The following ARHGEF11 variants were observed in gnomAD, a reference collection of about 807,000 sequenced individuals.
ARHGEF11 encodes the protein Rho guanine nucleotide exchange factor 11.
ARHGEF11 carries 55 observed loss-of-function variants against 193.7 expected under a neutral mutation model. The ratio of observed to expected loss-of-function variants is 0.28; its 90% CI spans 0.23 to 0.36. The LOEUF (loss-of-function observed/expected upper bound fraction) is 0.36, where lower values mean the gene tolerates loss of function less well. Ranked by LOEUF, ARHGEF11 falls within the 10% of genes least tolerant of loss-of-function variation. ARHGEF11 has a pLI of 1.00. For missense variants in ARHGEF11, 1,723 were observed against 2,005.6 expected (o/e 0.86, Z 2.69); for synonymous variants, 693 against 768.0 (o/e 0.90, Z 1.62).
chr1:157,021,555 T>C (rs1171833226), intron 1 of ARHGEF11, among the ~76,000 whole-genome samples: 1 of 152,204 alleles, frequency 6.6e-6, no homozygotes, highest in East Asian at 1.9e-4. Context: ...ACAGTAATGA[T>C]GGTGTTTCAT....
At chr1:157,008,463 G>A (rs1364484284) in intron 1 of ARHGEF11, among the ~76,000 whole-genome samples, 3 of 151,936 alleles carry the variant, frequency 2.0e-5, no homozygotes, top group African/African-American at 7.3e-5. Flanking sequence ...CGGTGAGAAG[G>A]CAGCCGTCTA....
At position 156,935,715 on chromosome 1, in the gene ARHGEF11, G is replaced by A; in HGVS notation, c.*285C>T. 1 of 442,250 alleles carries A rather than the reference G, an allele frequency of 2.3e-6. No homozygotes were observed. The highest frequency in any genetic ancestry group is 4.1e-6 in the Non-Finnish European group (1 of 245,940). The allele number at this position is 442,250 out of a possible 1,614,324, so 27.4% of individuals were successfully genotyped here. A position where few individuals can be genotyped will look rare whatever the true frequency, so the allele number is the denominator to read the frequency against. ...CGTGTACACACATATGTGGGGTGAG[G>A]GCAGACCATGGTGAGTGGGGGCCTT... On this transcript the variant is annotated 3_prime_UTR_variant, in exon 41 of 41. Coordinates refer to ENST00000368194, the MANE Select transcript of ARHGEF11 (RefSeq NM_198236.3).
At chr1:156,956,282 A>C in intron 19 of ARHGEF11, 138 bp downstream of exon 19, 1 of 872,280 alleles carries the variant, frequency 1.1e-6, no homozygotes, top group Non-Finnish European at 1.8e-6. Flanking sequence ...ATGCTGGACT[A>C]ATTTTTGTAT....
At chr1:156,939,301 C>A (rs915617805) in intron 37 of ARHGEF11, 62 of 555,436 alleles carry the variant, frequency 1.1e-4, no homozygotes, top group African/African-American at 9.4e-4. Context: ...AAACAAAGTT[C>A]AGAGATGATT....
At chr1:156,967,563 G>A (rs559403115) in intron 11 of ARHGEF11, among the ~76,000 whole-genome samples, 15 of 152,244 alleles carry the variant, frequency 9.9e-5, no homozygotes, top group African/African-American at 3.1e-4. Context: ...GGTCCTAGGG[G>A]AGCTGAGTTT....
At chr1:156,975,277 A>C (rs1663100729) in intron 7 of ARHGEF11, among the ~76,000 whole-genome samples, 1 of 152,200 alleles carries the variant, frequency 6.6e-6, no homozygotes, top group African/African-American at 2.4e-5. Flanking sequence ...GGTCATTGTC[A>C]TTTTGATTAG....
chr1:156,961,637 GAATATGATA>G (rs752985946), intron 14 of ARHGEF11, 31 bp downstream of exon 14: 2 of 1,579,560 alleles, frequency 1.3e-6, no homozygotes, highest in East Asian at 4.5e-5. Flanking sequence ...GTAGTTCAAA[GAATATGATA>G]AAATTATAAT....
chr1:156,936,114 AT>A (rs780275676), intron 40 of ARHGEF11, 56 bp from the exon 41 acceptor site: 28 of 1,555,350 alleles, frequency 1.8e-5, no homozygotes, highest in African/African-American at 1.8e-4. Flanking sequence ...CCGCTTCCAC[AT>A]GTTTTGTCTA....
Position 157,022,593 on chromosome 1 carries a change from T to C in ARHGEF11, c.32+21706A>G, listed in dbSNP as rs146512894. ...TTTAAAATTGTTAAGATGATACTAC[T>C]CCACAAAGTTATCTACAGATTTGAT... On this transcript the variant is annotated intron_variant, in intron 1 of 40. Transcript: ENST00000368194. 2.5e-3 allele frequency among the ~76,000 whole-genome samples: 386 copies of C among 152,334 alleles called. 1 individual carries two copies. Among genetic ancestry groups the C allele is most frequent in the African/African-American group, 8.6e-3 (359 of 41,580 alleles).
In ARHGEF11 at chr1:156,935,975, G is replaced by C; in HGVS notation, c.*25C>G. 6.2e-7 allele frequency: 1 copy of C among 1,604,310 alleles called. No homozygotes were observed. The stretch of plus-strand genomic sequence containing the variant: ...CAGTCCCTGAAGGAGGAGTGGGGAC[G>C]CAGAGGATTTGGTGGTTTGTACGGT... On this transcript the variant is annotated 3_prime_UTR_variant, in exon 41 of 41. Coordinates refer to ENST00000368194, the MANE Select transcript of ARHGEF11 (RefSeq NM_198236.3).
At chr1:157,040,370 C>T (rs563116713) in intron 1 of ARHGEF11, among the ~76,000 whole-genome samples, 27 of 152,190 alleles carry the variant, frequency 1.8e-4, no homozygotes, top group African/African-American at 5.5e-4. Flanking sequence ...AGCCAAGGTG[C>T]GAAGAGACCC....
At chr1:157,016,345 G>A (rs183332063) in intron 1 of ARHGEF11, among the ~76,000 whole-genome samples, 12 of 150,850 alleles carry the variant, frequency 8.0e-5, no homozygotes, top group African/African-American at 2.7e-4. Flanking sequence ...TCAGCCTCCC[G>A]AGTAGCTGGG....
At position 156,945,365 on chromosome 1, in the gene ARHGEF11, T is replaced by C. The variant is rs963735257; in HGVS notation, c.2813-168A>G. ...ACATGAGGACCCCAAGTGGTAAGGG[T>C]AACTTTTACTGAGCATCTTCAGGTC... On this transcript the variant is annotated intron_variant, in intron 29 of 40. Transcript: ENST00000368194. The C allele has an allele frequency of 1.2e-5, 8 of 647,634 alleles. No individual in the cohort carries two copies. The African/African-American group carries it at 1.3e-4, about 10-fold the overall frequency. The allele number at this position is 647,634 out of a possible 1,614,324, so 40.1% of individuals were successfully genotyped here. A position where few individuals can be genotyped will look rare whatever the true frequency, so the allele number is the denominator to read the frequency against.
chr1:156,983,434 G>T (rs1050209006), intron 3 of ARHGEF11, among the ~76,000 whole-genome samples: 1 of 152,144 alleles, frequency 6.6e-6, no homozygotes, highest in Non-Finnish European at 1.5e-5. Context: ...ATGTTAGCCA[G>T]GATGGTCTCG....
intron 1 of ARHGEF11, among the ~76,000 whole-genome samples, chr1:157,034,911 C>T (rs1671720102): frequency 6.6e-6 from 1 of 152,076 alleles, no homozygotes; most frequent in Admixed American, 6.5e-5. Context: ...GTGATATTAA[C>T]CAGCAAAGAC....
intron 5 of ARHGEF11, 34 bp from the exon 6 acceptor site, chr1:156,978,416 G>A: frequency 3.2e-6 from 5 of 1,556,544 alleles, no homozygotes; most frequent in Non-Finnish European, 4.3e-6. Context: ...TGTTCCAGGA[G>A]TGCTGTTCTG....
At position 157,019,745 on chromosome 1, in the gene ARHGEF11, A is replaced by G. The variant is rs555090946; in HGVS notation, c.32+24554T>C. On this transcript the variant is annotated intron_variant, in intron 1 of 40. Coordinates refer to ENST00000368194, the MANE Select transcript of ARHGEF11 (RefSeq NM_198236.3). ...CTGCAAAATAATTGTGTTGGTTGAAAAAAGACAAGAAATGAGCATATAGTG... is the reference window on the plus strand; with the variant it reads ...CTGCAAAATAATTGTGTTGGTTGAAGAAAGACAAGAAATGAGCATATAGTG... 7.2e-5 allele frequency among the ~76,000 whole-genome samples: 11 copies of G among 152,352 alleles called. No homozygotes were observed. The South Asian group carries it at 2.3e-3, about 32-fold the overall frequency.
Position 157,021,879 on chromosome 1 carries a change from G to C in ARHGEF11, c.32+22420C>G, listed in dbSNP as rs1173031728. 3.9e-5 allele frequency among the ~76,000 whole-genome samples: 6 copies of C among 152,318 alleles called. No homozygotes were observed. In the East Asian group the frequency reaches 1.2e-3, roughly 29 times the overall value. On this transcript the variant is annotated intron_variant, in intron 1 of 40. Transcript: ENST00000368194. ...ACCAAGTGGGATTTATCCCAGGAATGCAAGGTTGGTTTAACATATGAATCT... is the reference window on the plus strand; with the variant it reads ...ACCAAGTGGGATTTATCCCAGGAATCCAAGGTTGGTTTAACATATGAATCT...
chr1:156,963,749 A>G (rs977061963), intron 11 of ARHGEF11, 155 bp from the exon 12 acceptor site: 3 of 1,450,306 alleles, frequency 2.1e-6, no homozygotes, highest in African/African-American at 2.8e-5. Flanking sequence ...AAATCAGAGC[A>G]CAGATGAAAT....
Sources: gnomAD v4.1 joint callset for allele counts (sites outside exome capture counted in the v4.1 genomes callset) on GRCh38, gnomAD v4.1.1 for gene constraint, MANE v1.5 for transcripts, NCBI Gene and HGNC (gene_info 2026-07-23, HGNC 2026-07-21) for gene names.